Variants in PACS1 observed in about 807,000 individuals in gnomAD.
The protein encoded by PACS1 is phosphofurin acidic cluster sorting protein 1.
In PACS1, 24 loss-of-function variants were observed where a neutral mutation model predicts 115.0. The ratio of observed to expected loss-of-function variants is 0.21; its 90% CI spans 0.15 to 0.29. The LOEUF (loss-of-function observed/expected upper bound fraction) is 0.29, where lower values mean the gene tolerates loss of function less well. PACS1 is among the 10% of genes least tolerant of loss of function. The probability of loss-of-function intolerance (pLI) is 1.00; values close to 1 mark genes in which losing one functional copy is unlikely to be tolerated. For missense variants in PACS1, 838 were observed against 1,251.2 expected, an observed-to-expected ratio of 0.67 and a Z score of 4.98; for synonymous variants, 453 against 504.5, an observed-to-expected ratio of 0.90 and a Z score of 1.37.
intron 1 of PACS1, among the ~76,000 whole-genome samples, chr11:66,091,880 C>G (rs1348956072): frequency 6.6e-6 from 1 of 151,858 alleles, no homozygotes; most frequent in East Asian, 1.9e-4. Flanking sequence ...CATAGTATTC[C>G]ATGGTGTATA....
intron 1 of PACS1, among the ~76,000 whole-genome samples, chr11:66,133,087 C>G (rs1472694288): frequency 6.6e-6 from 1 of 152,164 alleles, no homozygotes; most frequent in Non-Finnish European, 1.5e-5. Context: ...ATCTTTGCTT[C>G]TTTTTCATGC....
intron 1 of PACS1, among the ~76,000 whole-genome samples, chr11:66,123,339 G>A (rs552246074): frequency 7.3e-5 from 11 of 150,538 alleles, no homozygotes; most frequent in South Asian, 2.1e-4. Context: ...TTATAGGCAC[G>A]TGCCACCATG....
At chr11:66,080,321 G>GT (rs767401408) in intron 1 of PACS1, among the ~76,000 whole-genome samples, 39 of 152,134 alleles carry the variant, frequency 2.6e-4, no homozygotes, top group Non-Finnish European at 1.6e-4. Flanking sequence ...GTGCTTTCTG[G>GT]TGGGGGTGAC....
intron 1 of PACS1, among the ~76,000 whole-genome samples, chr11:66,077,827 C>T (rs937870670): frequency 1.3e-5 from 2 of 151,726 alleles, no homozygotes; most frequent in African/African-American, 4.8e-5. Context: ...CTCAGCCTCC[C>T]GAGTAGCTGG....
At chr11:66,216,653 C>T (rs374120607) in intron 6 of PACS1, 42 bp downstream of exon 6, 6 of 1,609,850 alleles carry the variant, frequency 3.7e-6, no homozygotes, top group African/African-American at 2.7e-5. Context: ...CCAAGAAGCT[C>T]CTGGGGTTTC....
intron 1 of PACS1, among the ~76,000 whole-genome samples, chr11:66,143,284 C>T (rs1370110988): frequency 6.6e-6 from 1 of 152,176 alleles, no homozygotes; most frequent in Non-Finnish European, 1.5e-5. Flanking sequence ...GTAAAGGAGA[C>T]ATCACCTGTA....
intron 3 of PACS1, 33 bp downstream of exon 3, chr11:66,210,484 G>T: frequency 7.0e-7 from 1 of 1,433,166 alleles, no homozygotes; most frequent in Non-Finnish European, 9.9e-7. Context: ...CCCCTAACAT[G>T]CTATATCCTG....
chr11:66,080,069 A>G (rs1857457349), intron 1 of PACS1, among the ~76,000 whole-genome samples: 2 of 152,240 alleles, frequency 1.3e-5, no homozygotes, highest in Non-Finnish European at 2.9e-5. Flanking sequence ...CCTACTCGCC[A>G]TTACTGGAAA....
chr11:66,167,333 C>T (rs114053171), intron 1 of PACS1, among the ~76,000 whole-genome samples: 47 of 101,062 alleles, frequency 4.7e-4, no homozygotes, highest in Admixed American at 1.1e-3. Flanking sequence ...TTTGGCTTGT[C>T]TTTTTTTTTT....
At chr11:66,084,393 A>C (rs1857534374) in intron 1 of PACS1, among the ~76,000 whole-genome samples, 1 of 152,194 alleles carries the variant, frequency 6.6e-6, no homozygotes, top group Non-Finnish European at 1.5e-5. Flanking sequence ...CTCACAGGCC[A>C]TTGTGGGACT....
At chr11:66,222,413 G>A (rs1464553449) in intron 10 of PACS1, among the ~76,000 whole-genome samples, 2 of 152,146 alleles carry the variant, frequency 1.3e-5, no homozygotes, top group Non-Finnish European at 2.9e-5. Context: ...CACGACCTGG[G>A]CCTTGCTCCG....
chr11:66,225,979 G>A (rs1276391861), intron 10 of PACS1, among the ~76,000 whole-genome samples: 1 of 152,112 alleles, frequency 6.6e-6, no homozygotes, highest in African/African-American at 2.4e-5. Context: ...GACCAGCCTG[G>A]TCAATCAACA....
intron 3 of PACS1, 56 bp downstream of exon 3, chr11:66,210,507 A>G (rs1322295030): frequency 3.3e-6 from 4 of 1,222,574 alleles, no homozygotes; most frequent in South Asian, 1.2e-5. Flanking sequence ...TAGTCCCCAG[A>G]CAGTCCTCTA....
At chr11:66,132,629 G>A (rs781524058) in intron 1 of PACS1, among the ~76,000 whole-genome samples, 1 of 152,162 alleles carries the variant, frequency 6.6e-6, no homozygotes, top group Non-Finnish European at 1.5e-5. Context: ...TACATGTTCA[G>A]TATAGATGCA....
At chr11:66,092,940 C>T (rs1360530800) in intron 1 of PACS1, among the ~76,000 whole-genome samples, 1 of 152,154 alleles carries the variant, frequency 6.6e-6, no homozygotes, top group African/African-American at 2.4e-5. Context: ...AGTTTGAAGT[C>T]AGGTAGCGTG....
intron 2 of PACS1, among the ~76,000 whole-genome samples, chr11:66,194,185 C>T (rs985956045): frequency 1.3e-5 from 2 of 152,136 alleles, no homozygotes; most frequent in Non-Finnish European, 2.9e-5. Flanking sequence ...AGGATGGTCT[C>T]GATCTCATGA....
At chr11:66,168,770 G>A (rs1315591611) in intron 1 of PACS1, among the ~76,000 whole-genome samples, 1 of 149,988 alleles carries the variant, frequency 6.7e-6, no homozygotes, top group Non-Finnish European at 1.5e-5. Context: ...GTGTGTGTGT[G>A]TGTGTGTGTA....
intron 1 of PACS1, among the ~76,000 whole-genome samples, chr11:66,079,351 T>TAA (rs35212412): frequency 7.6e-6 from 1 of 131,652 alleles, no homozygotes; most frequent in Non-Finnish European, 1.6e-5. Context: ...AAGGTCTGGG[T>TAA]AAAAAAAAAA....
chr11:66,220,431 C>CG lies in PACS1; in HGVS notation c.1039-200_1039-199insG, dbSNP rs1485365235. On this transcript the variant is annotated intron_variant, in intron 8 of 23. Coordinates refer to ENST00000320580, the MANE Select transcript of PACS1 (RefSeq NM_018026.4). ...TCACAGTGTGGAGCGGTGGCAGGAA[C>CG]TGGGGGGAAGGTGGCCTCACCATGT... The CG allele has an allele frequency of 1.3e-4, 78 of 581,066 alleles. No individual in the cohort carries two copies. In the African/African-American group the frequency reaches 1.3e-3, roughly 10 times the overall value. The allele number at this position is 581,066 out of a possible 1,614,324, so 36.0% of individuals were successfully genotyped here. A position where few individuals can be genotyped will look rare whatever the true frequency, so the allele number is the denominator to read the frequency against.
Sources: gnomAD v4.1 joint callset for allele counts (sites outside exome capture counted in the v4.1 genomes callset) on GRCh38, gnomAD v4.1.1 for gene constraint, MANE v1.5 for transcripts, NCBI Gene and HGNC (gene_info 2026-07-23, HGNC 2026-07-21) for gene names.